HACE1: variants seen among roughly 807,000 people sequenced by gnomAD.
HACE1 encodes the protein HECT domain and ankyrin repeat containing E3 ubiquitin protein ligase 1, also known as E3 ubiquitin-protein ligase HACE1.
A neutral mutation model predicts 118.4 loss-of-function variants in HACE1; 73 were observed. The observed-to-expected ratio is 0.62, with a 90% CI of 0.51 to 0.75. The LOEUF (loss-of-function observed/expected upper bound fraction) is 0.75. Among genes scored for constraint, HACE1 ranks in the 30% least tolerant of loss-of-function variants. The pLI is 0.00. For synonymous variants in HACE1, 368 were observed against 374.8 expected, an observed-to-expected ratio of 0.98 and a Z score of 0.21; for missense variants, 749 against 1,102.2, an observed-to-expected ratio of 0.68 and a Z score of 4.54.
chr6:104,793,476 A>G (rs1783282644), intron 10 of HACE1, among the ~76,000 whole-genome samples: 1 of 152,208 alleles, frequency 6.6e-6, no homozygotes, highest in Admixed American at 6.5e-5. Context: ...ATATAAACAT[A>G]GCATTATGTG....
intron 19 of HACE1, among the ~76,000 whole-genome samples, chr6:104,755,945 G>A (rs1778570964): frequency 6.6e-6 from 1 of 152,130 alleles, no homozygotes; most frequent in African/African-American, 2.4e-5. Flanking sequence ...GTGAATTGAA[G>A]AAGACAGAGA....
chr6:104,730,454 GA>G (rs1316386900), intron 22 of HACE1, 38 bp from the exon 23 acceptor site: 1 of 969,132 alleles, frequency 1.0e-6, no homozygotes, highest in Non-Finnish European at 1.7e-6. Flanking sequence ...AATCATGAAA[GA>G]AAGATATTTG....
chr6:104,859,158 G>A (rs773145766), intron 1 of HACE1, among the ~76,000 whole-genome samples: 12 of 152,122 alleles, frequency 7.9e-5, no homozygotes, highest in Non-Finnish European at 1.8e-4. Context: ...CTGGCCCCCC[G>A]ATGCAGCTTA....
intron 11 of HACE1, chr6:104,786,996 T>C (rs1782490458): frequency 6.6e-6 from 1 of 152,218 alleles, no homozygotes; most frequent in Non-Finnish European, 1.5e-5. Context: ...ATCTAACAAA[T>C]ACCTTCACTG....
At chr6:104,788,751 T>C (rs1251759471) in intron 11 of HACE1, among the ~76,000 whole-genome samples, 2 of 152,074 alleles carry the variant, frequency 1.3e-5, no homozygotes, top group African/African-American at 2.4e-5. Flanking sequence ...ATAAAAATGA[T>C]CTTCTCCTTC....
At chr6:104,824,217 C>G (rs757214008) in intron 6 of HACE1, among the ~76,000 whole-genome samples, 1 of 152,164 alleles carries the variant, frequency 6.6e-6, no homozygotes, top group African/African-American at 2.4e-5. Context: ...CTCAAATAAT[C>G]CAGAGTAACA....
intron 6 of HACE1, among the ~76,000 whole-genome samples, chr6:104,819,710 A>T (rs1266592843): frequency 3.3e-5 from 5 of 152,156 alleles, no homozygotes; most frequent in Non-Finnish European, 7.4e-5. Flanking sequence ...ATGAAACAGA[A>T]TCTAAAACCC....
chr6:104,767,505 C>T (rs556063623), intron 19 of HACE1, among the ~76,000 whole-genome samples: 1 of 152,300 alleles, frequency 6.6e-6, no homozygotes, highest in South Asian at 2.1e-4. Flanking sequence ...TTTTCACACT[C>T]CAAGCTGAGT....
At chr6:104,774,378 C>T (rs1431366138) in intron 17 of HACE1, among the ~76,000 whole-genome samples, 3 of 87,344 alleles carry the variant, frequency 3.4e-5, no homozygotes, top group East Asian at 4.6e-4. Flanking sequence ...GCGTGAGCCA[C>T]CGCGCCCGGC....
Position 104,728,814 on chromosome 6 carries a change from G to C in HACE1, c.*848C>G, listed in dbSNP as rs1774906565. The stretch of plus-strand genomic sequence containing the variant: ...GAACTTGACATTTTAATGATGAAAA[G>C]CAAATTTAAGAAGCAAAAAAATTAA... On this transcript the variant is annotated 3_prime_UTR_variant, in exon 24 of 24. Coordinates refer to ENST00000262903, the MANE Select transcript of HACE1 (RefSeq NM_020771.4). The C allele has an allele frequency of 1.3e-5, 2 of 152,056 alleles. No individual in the cohort carries two copies. The highest frequency in any genetic ancestry group is 4.8e-5 in the African/African-American group (2 of 41,412). The allele number at this position is 152,056 out of a possible 1,614,324, so 9.4% of individuals were successfully genotyped here. A position where few individuals can be genotyped will look rare whatever the true frequency, so the allele number is the denominator to read the frequency against.
chr6:104,794,181 G>C lies in HACE1; in HGVS notation c.923+1398C>G, dbSNP rs970666301. Among the ~76,000 whole-genome samples the C allele has an allele frequency of 2.0e-5, 3 of 151,944 alleles. No individual in the cohort carries two copies. The East Asian group carries it at 5.8e-4, about 29-fold the overall frequency. ...CATCTAAATTATAAAGTTACTGTAA[G>C]GTATAAATGAAATAATATATTCGAA... On this transcript the variant is annotated intron_variant, in intron 10 of 23. Transcript: ENST00000262903.
intron 5 of HACE1, among the ~76,000 whole-genome samples, chr6:104,836,710 CTAAA>C (rs761216337): frequency 5.9e-5 from 9 of 151,978 alleles, no homozygotes; most frequent in African/African-American, 1.4e-4. Flanking sequence ...GAGACTCTGT[CTAAA>C]TAAATAAATA....
Position 104,830,321 on chromosome 6 carries a change from T to C in HACE1, c.534+2721A>G, listed in dbSNP as rs141092522. 4.0e-3 allele frequency among the ~76,000 whole-genome samples: 613 copies of C among 152,258 alleles called. 5 individuals carry two copies. The highest frequency in any genetic ancestry group is 0.014 in the African/African-American group (594 of 41,544). On this transcript the variant is annotated intron_variant, in intron 6 of 23. Coordinates refer to ENST00000262903, the MANE Select transcript of HACE1 (RefSeq NM_020771.4). The stretch of plus-strand genomic sequence containing the variant: ...AGAATACGTTTTAAATTTAATAATA[T>C]TGACTCTAAGTAAAAACTAATGAGA...
At chr6:104,768,261 T>C (rs929151829) in intron 19 of HACE1, among the ~76,000 whole-genome samples, 3 of 152,146 alleles carry the variant, frequency 2.0e-5, no homozygotes, top group African/African-American at 7.2e-5. Context: ...TAAGTTTCAA[T>C]AGTTCAAAAT....
chr6:104,771,953 G>A lies in HACE1; in HGVS notation c.1986C>T (p.Phe662=), dbSNP rs1470892896. 2 of 1,607,114 alleles carry A rather than the reference G, an allele frequency of 1.2e-6. No homozygotes were observed. The highest frequency in any genetic ancestry group is 1.1e-5 in the South Asian group (1 of 90,864). Residue 662 remains phenylalanine (F), a synonymous_variant, in exon 18 of 24, where the codon TTC becomes TTT. Coordinates refer to ENST00000262903, the MANE Select transcript of HACE1 (RefSeq NM_020771.4). The part of the protein sequence containing the change: ...LNHRQLVNIY[F]TRSFYKHILG... ...GAATGTGCTTGTAGAAGGATCGTGT[G>A]AAGTAAATATTGACCAGCTGCCTGT... is the stretch of plus-strand genomic sequence containing the variant.
At chr6:104,839,885 G>A (rs1774924913) in intron 5 of HACE1, among the ~76,000 whole-genome samples, 1 of 151,944 alleles carries the variant, frequency 6.6e-6, no homozygotes, top group Admixed American at 6.6e-5. Context: ...GCACACCTGT[G>A]GTCCCAGCTA....
At chr6:104,840,839 T>C (rs1046975720) in intron 5 of HACE1, among the ~76,000 whole-genome samples, 5 of 152,214 alleles carry the variant, frequency 3.3e-5, no homozygotes, top group African/African-American at 1.2e-4. Context: ...GGCACATGCC[T>C]GAAATCCCAG....
At chr6:104,742,008 G>T (rs202157348) in intron 22 of HACE1, among the ~76,000 whole-genome samples, 1 of 145,466 alleles carries the variant, frequency 6.9e-6, no homozygotes, top group African/African-American at 2.6e-5. Context: ...ATAACGCCAC[G>T]TATCTACAAC....
Position 104,859,695 on chromosome 6 carries a change from C to A in HACE1, c.-53G>T, listed in dbSNP as rs529350912. ...CGATCAGCCGCCCCACCGGCGGCCT[C>A]CGCGCCCAGAGCCCTACATCTCGCC... is the stretch of plus-strand genomic sequence containing the variant. On this transcript the variant is annotated 5_prime_UTR_variant, in exon 1 of 24. Transcript: ENST00000262903. 2.0e-6 allele frequency: 3 copies of A among 1,465,896 alleles called. No individual in the cohort carries two copies. Among genetic ancestry groups the A allele is most frequent in the Non-Finnish European group, 2.8e-6 (3 of 1,088,120 alleles). 90.8% of individuals were successfully genotyped at this position (1,465,896 alleles called of 1,614,324 possible).
Sources: allele counts gnomAD v4.1 joint callset (sites outside exome capture counted in the v4.1 genomes callset), GRCh38; gene constraint gnomAD v4.1.1; transcripts MANE v1.5; gene names NCBI Gene and HGNC (gene_info 2026-07-23, HGNC 2026-07-21).